Variants in NALF1 observed in about 807,000 individuals in gnomAD.
NALF1 encodes the protein NALCN channel auxiliary factor 1, also known as family with sequence similarity 155 member A.
NALF1 carries 3 observed loss-of-function variants against 48.4 expected under a neutral mutation model. That is an observed-to-expected ratio of 0.06 (90% CI 0.03 to 0.16). NALF1 has a LOEUF of 0.16. Among genes scored for constraint, NALF1 ranks in the 10% least tolerant of loss-of-function variants. NALF1 has a pLI of 1.00. For missense variants in NALF1, 526 were observed against 571.5 expected (o/e 0.92, Z 0.81); for synonymous variants, 262 against 245.7 (o/e 1.07, Z -0.62).
intron 1 of NALF1, among the ~76,000 whole-genome samples, chr13:107,281,097 T>A (rs1278240919): frequency 6.6e-6 from 1 of 152,232 alleles, no homozygotes; most frequent in Non-Finnish European, 1.5e-5. Context: ...GGTGAATTTT[T>A]AAATTTATTC....
intron 1 of NALF1, among the ~76,000 whole-genome samples, chr13:107,518,737 T>C (rs1296309854): frequency 6.6e-6 from 1 of 152,160 alleles, no homozygotes; most frequent in Admixed American, 6.5e-5. Flanking sequence ...AGCCAGAAAT[T>C]GCCCATTTAC....
intron 1 of NALF1, among the ~76,000 whole-genome samples, chr13:107,831,974 T>A (rs996882640): frequency 6.6e-6 from 1 of 152,124 alleles, no homozygotes; most frequent in Non-Finnish European, 1.5e-5. Flanking sequence ...AGGAAAAAAA[T>A]TTTTCATAAT....
chr13:107,602,666 A>G (rs1274793895), intron 1 of NALF1, among the ~76,000 whole-genome samples: 1 of 152,226 alleles, frequency 6.6e-6, no homozygotes, highest in Non-Finnish European at 1.5e-5. Flanking sequence ...GAGTGCTTAA[A>G]AATTTAACAC....
intron 2 of NALF1, among the ~76,000 whole-genome samples, chr13:107,191,355 C>T (rs1439376262): frequency 6.6e-6 from 1 of 151,952 alleles, no homozygotes; most frequent in Non-Finnish European, 1.5e-5. Flanking sequence ...TCAGTTGCAA[C>T]TCTTACTTGA....
At chr13:107,706,620 A>C (rs1881952398) in intron 1 of NALF1, among the ~76,000 whole-genome samples, 1 of 152,186 alleles carries the variant, frequency 6.6e-6, no homozygotes, top group South Asian at 2.1e-4. Context: ...GTCTTGAACA[A>C]AGCACTGTCG....
chr13:107,364,468 G>C (rs984714458), intron 1 of NALF1, among the ~76,000 whole-genome samples: 2 of 152,172 alleles, frequency 1.3e-5, no homozygotes, highest in Non-Finnish European at 2.9e-5. Flanking sequence ...GCTGAAATAG[G>C]TTTCCTGTCA....
At chr13:107,453,558 T>C (rs1226952172) in intron 1 of NALF1, among the ~76,000 whole-genome samples, 2 of 152,234 alleles carry the variant, frequency 1.3e-5, no homozygotes, top group African/African-American at 2.4e-5. Context: ...CATTTTTTCT[T>C]CCTAGGCCTC....
intron 1 of NALF1, among the ~76,000 whole-genome samples, chr13:107,233,346 T>C (rs1048644694): frequency 6.6e-6 from 1 of 152,138 alleles, no homozygotes; most frequent in African/African-American, 2.4e-5. Flanking sequence ...CAGTCATCGA[T>C]CAGTAGTGGT....
chr13:107,626,584 A>G (rs1879680144), intron 1 of NALF1, among the ~76,000 whole-genome samples: 2 of 152,156 alleles, frequency 1.3e-5, no homozygotes, highest in Admixed American at 1.3e-4. Context: ...ATTACTTAGC[A>G]ATTTAAAAAG....
intron 1 of NALF1, among the ~76,000 whole-genome samples, chr13:107,821,793 C>T (rs759636043): frequency 2.0e-5 from 3 of 152,032 alleles, no homozygotes; most frequent in Admixed American, 6.5e-5. Flanking sequence ...AGATTTTAAG[C>T]GAATCACTGA....
chr13:107,736,020 C>T (rs796825387), intron 1 of NALF1, among the ~76,000 whole-genome samples: 9 of 152,104 alleles, frequency 5.9e-5, no homozygotes, highest in African/African-American at 1.4e-4. Context: ...ATTTTATATT[C>T]CTTGCTAGAC....
At chr13:107,712,555 C>T (rs957364774) in intron 1 of NALF1, among the ~76,000 whole-genome samples, 2 of 152,084 alleles carry the variant, frequency 1.3e-5, no homozygotes, top group East Asian at 1.9e-4. Context: ...ATTAAAAAGT[C>T]GAAGAGACAG....
At chr13:107,774,729 G>A (rs1490999032) in intron 1 of NALF1, among the ~76,000 whole-genome samples, 1 of 152,088 alleles carries the variant, frequency 6.6e-6, no homozygotes, top group Non-Finnish European at 1.5e-5. Flanking sequence ...GGAGAAAATA[G>A]CTCTTTTTTG....
chr13:107,715,417 G>C (rs542272462), intron 1 of NALF1, among the ~76,000 whole-genome samples: 1 of 152,214 alleles, frequency 6.6e-6, no homozygotes, highest in Admixed American at 6.5e-5. Context: ...GATCAGGCTG[G>C]TCTTGAACTC....
At chr13:107,566,417 G>A (rs1877811717) in intron 1 of NALF1, among the ~76,000 whole-genome samples, 1 of 152,214 alleles carries the variant, frequency 6.6e-6, no homozygotes, top group Non-Finnish European at 1.5e-5. Context: ...AGCAACTGTA[G>A]TGGTGCAATG....
At chr13:107,678,930 A>G (rs2138493145) in intron 1 of NALF1, among the ~76,000 whole-genome samples, 1 of 152,328 alleles carries the variant, frequency 6.6e-6, no homozygotes, top group East Asian at 1.9e-4. Flanking sequence ...GTGGAGACAC[A>G]AACCCTAACC....
At position 107,825,914 on chromosome 13, in the gene NALF1, A is replaced by G. The variant is rs796557379; in HGVS notation, c.915+39768T>C. On this transcript the variant is annotated intron_variant, in intron 1 of 2. Coordinates refer to ENST00000375915, the MANE Select transcript of NALF1 (RefSeq NM_001080396.3). The stretch of plus-strand genomic sequence containing the variant: ...TCCTGCCTCAGCCTCCCAAGTAGCT[A>G]GGATTACAGGCTCCCGCCACTGCGC... Among the ~76,000 whole-genome samples, 27 of 152,116 alleles carry G rather than the reference A, an allele frequency of 1.8e-4. 2 individuals are homozygous for G. Among genetic ancestry groups the G allele is most frequent in the African/African-American group, 6.3e-4 (26 of 41,536 alleles).
intron 1 of NALF1, among the ~76,000 whole-genome samples, chr13:107,424,652 C>T (rs1220070414): frequency 6.6e-6 from 1 of 152,172 alleles, no homozygotes; most frequent in Non-Finnish European, 1.5e-5. Context: ...ATGACAGTCA[C>T]TTGTAAAATG....
chr13:107,299,543 T>C (rs1027045580), intron 1 of NALF1, among the ~76,000 whole-genome samples: 1 of 151,014 alleles, frequency 6.6e-6, no homozygotes, highest in Non-Finnish European at 1.5e-5. Context: ...CCTTAAACTT[T>C]CGCTGGCTGA....
Sources: gnomAD v4.1 joint callset for allele counts (sites outside exome capture counted in the v4.1 genomes callset) on GRCh38, gnomAD v4.1.1 for gene constraint, MANE v1.5 for transcripts, NCBI Gene and HGNC (gene_info 2026-07-23, HGNC 2026-07-21) for gene names.